IPO8: variants seen among roughly 807,000 people sequenced by gnomAD.
The protein encoded by IPO8 is importin 8.
In IPO8, 65 loss-of-function variants were observed where a neutral mutation model predicts 141.2. The observed-to-expected ratio is 0.46, with a 90% CI of 0.38 to 0.57. The LOEUF is 0.57. Ranked by LOEUF, IPO8 falls within the 20% of genes least tolerant of loss-of-function variation. The pLI is 0.00. For synonymous variants in IPO8, 411 were observed against 420.3 expected (o/e 0.98, Z 0.27); for missense variants, 980 against 1,246.8 (o/e 0.79, Z 3.22).
chr12:30,687,783 C>G (rs1280468890), intron 2 of IPO8, among the ~76,000 whole-genome samples: 1 of 152,132 alleles, frequency 6.6e-6, no homozygotes, highest in Non-Finnish European at 1.5e-5. Context: ...CTCTGCAATG[C>G]TGACGTCAAT....
intron 17 of IPO8, among the ~76,000 whole-genome samples, chr12:30,656,413 T>A (rs2052800986): frequency 6.6e-6 from 1 of 152,202 alleles, no homozygotes; most frequent in Non-Finnish European, 1.5e-5. Flanking sequence ...CACCTAAACC[T>A]CATCCCAGTT....
At chr12:30,680,345 C>T in intron 5 of IPO8, 137 bp downstream of exon 5, 1 of 606,544 alleles carries the variant, frequency 1.6e-6, no homozygotes, top group Non-Finnish European at 2.6e-6. Flanking sequence ...TGAACCTGTT[C>T]CTCATAAGCA....
In IPO8 at chr12:30,649,243, T is replaced by C; in HGVS notation, c.2173-11A>G. On this transcript the variant is annotated splice_polypyrimidine_tract_variant and intron_variant, in intron 19 of 24. Transcript: ENST00000256079. ...ATCTCCACATAGTACCTGCAGTAAT[T>C]ACAATTTAGCTCAGCAGTAAGTGGC... 1 of 1,599,924 alleles carries C rather than the reference T, an allele frequency of 6.3e-7. No homozygotes were observed. Among genetic ancestry groups the C allele is most frequent in the Non-Finnish European group, 8.6e-7 (1 of 1,168,120 alleles).
chr12:30,671,350 AAAGT>A (rs2136159541), intron 8 of IPO8, among the ~76,000 whole-genome samples: 1 of 152,328 alleles, frequency 6.6e-6, no homozygotes, highest in East Asian at 1.9e-4. Context: ...CTAGCTCTTC[AAAGT>A]AAGTTAAAAC....
chr12:30,641,493 CTTTTT>C (rs58656525), intron 20 of IPO8, among the ~76,000 whole-genome samples: 38,039 of 134,976 alleles, frequency 0.28, 5,515 homozygotes, highest in African/African-American at 0.4. Flanking sequence ...TAAGCTATTT[CTTTTT>C]TTTTTTTTTT....
At chr12:30,682,857 A>T (rs562236401) in intron 3 of IPO8, among the ~76,000 whole-genome samples, 1 of 152,160 alleles carries the variant, frequency 6.6e-6, no homozygotes, top group African/African-American at 2.4e-5. Flanking sequence ...TAATACTCTT[A>T]AACTTTGAGA....
chr12:30,687,687 A>G (rs1415408375), intron 2 of IPO8, among the ~76,000 whole-genome samples: 1 of 152,194 alleles, frequency 6.6e-6, no homozygotes, highest in Non-Finnish European at 1.5e-5. Flanking sequence ...CTTTCTACAA[A>G]TAAAATGCAT....
rs528895449 is a variant in IPO8, at chr12:30,635,430, A to G, written c.2696-1144T>C. On this transcript the variant is annotated intron_variant, in intron 22 of 24. Transcript: ENST00000256079. Reference sequence around the variant, plus strand: ...ACATCACTTTGTACTCCATAAATATATAATTTGCTAATTTATAATAAAAAG... The same window carrying G: ...ACATCACTTTGTACTCCATAAATATGTAATTTGCTAATTTATAATAAAAAG... 5.3e-5 allele frequency among the ~76,000 whole-genome samples: 8 copies of G among 152,278 alleles called. No homozygotes were observed. The South Asian group carries it at 1.7e-3, about 32-fold the overall frequency.
rs937384645 is a variant in IPO8, at chr12:30,693,899, C to T, written c.84+1665G>A. ...GAGTCTACGGCCATACCACCCTGAA[C>T]GTGCCTGCTTTTGTCTGAAATACCA... On this transcript the variant is annotated intron_variant, in intron 1 of 24. Coordinates refer to ENST00000256079, the MANE Select transcript of IPO8 (RefSeq NM_006390.4). 2.6e-5 allele frequency among the ~76,000 whole-genome samples: 4 copies of T among 152,168 alleles called. No homozygotes were observed. In the East Asian group the frequency reaches 5.8e-4, roughly 22 times the overall value.
At chr12:30,689,644 G>A (rs895194532) in intron 2 of IPO8, among the ~76,000 whole-genome samples, 6 of 152,040 alleles carry the variant, frequency 3.9e-5, no homozygotes, top group Non-Finnish European at 8.8e-5. Context: ...TGTAGATTAT[G>A]ACCCATTTCT....
intron 19 of IPO8, among the ~76,000 whole-genome samples, chr12:30,651,365 T>A (rs897020691): frequency 6.6e-6 from 1 of 152,118 alleles, no homozygotes; most frequent in African/African-American, 2.4e-5. Flanking sequence ...CTAAACCAGA[T>A]CTACTGATTA....
intron 17 of IPO8, among the ~76,000 whole-genome samples, chr12:30,655,196 G>A (rs1182433023): frequency 6.6e-6 from 1 of 152,046 alleles, no homozygotes; most frequent in Non-Finnish European, 1.5e-5. Flanking sequence ...GTATAGTGAC[G>A]TATTCATCAT....
At chr12:30,635,597 G>T (rs75034997) in intron 22 of IPO8, among the ~76,000 whole-genome samples, 1,549 of 152,068 alleles carry the variant, frequency 0.01, 35 homozygotes, top group East Asian at 0.083. Context: ...TGAAATACTG[G>T]AACAGGAAGG....
intron 17 of IPO8, among the ~76,000 whole-genome samples, chr12:30,654,126 G>A (rs2052764952): frequency 6.6e-6 from 1 of 151,866 alleles, no homozygotes; most frequent in South Asian, 2.1e-4. Flanking sequence ...TCAATAAATG[G>A]CACTGGGAAA....
At position 30,671,981 on chromosome 12, in the gene IPO8, T is replaced by A. The variant is rs546229071; in HGVS notation, c.910-885A>T. Among the ~76,000 whole-genome samples the A allele has an allele frequency of 2.0e-5, 3 of 152,178 alleles. No individual in the cohort carries two copies. The South Asian group carries it at 6.2e-4, about 32-fold the overall frequency. Reference sequence around the variant, plus strand: ...AACATGGGAGAATTTTCTTTTATAATCTCAGATTATAAAAGAAGGTATTTG... The same window carrying A: ...AACATGGGAGAATTTTCTTTTATAAACTCAGATTATAAAAGAAGGTATTTG... On this transcript the variant is annotated intron_variant, in intron 8 of 24. Transcript: ENST00000256079.
Position 30,652,300 on chromosome 12 carries a change from A to G in IPO8, c.2075-11T>C. 1 of 1,486,854 alleles carries G rather than the reference A, an allele frequency of 6.7e-7. No individual in the cohort carries two copies. Among genetic ancestry groups the G allele is most frequent in the Admixed American group, 1.7e-5 (1 of 58,620 alleles). The allele number at this position is 1,486,854 out of a possible 1,614,324, so 92.1% of individuals were successfully genotyped here. On this transcript the variant is annotated splice_polypyrimidine_tract_variant and intron_variant, in intron 18 of 24. Transcript: ENST00000256079. ...GGAGAGGCATCATGTCTGAAAAAAA[A>G]TCAAAATCCCAATGAGACTTGAGTG...
chr12:30,644,845 G>T (rs2052621788), intron 20 of IPO8, among the ~76,000 whole-genome samples: 1 of 151,092 alleles, frequency 6.6e-6, no homozygotes, highest in Non-Finnish European at 1.5e-5. Context: ...TAGAGACAGG[G>T]TTTCACCATG....
intron 20 of IPO8, among the ~76,000 whole-genome samples, chr12:30,645,430 T>C (rs1161293443): frequency 1.3e-5 from 2 of 148,460 alleles, no homozygotes. Context: ...ACTTAAGAAG[T>C]GTAAGCAAAC....
chr12:30,650,197 CAGATT>C (rs1433798908), intron 19 of IPO8, among the ~76,000 whole-genome samples: 1 of 151,722 alleles, frequency 6.6e-6, no homozygotes, highest in Admixed American at 6.6e-5. Context: ...TTTAAAAACT[CAGATT>C]AGATGATTTT....
Sources: gnomAD v4.1 joint callset for allele counts (sites outside exome capture counted in the v4.1 genomes callset) on GRCh38, gnomAD v4.1.1 for gene constraint, MANE v1.5 for transcripts, NCBI Gene and HGNC (gene_info 2026-07-23, HGNC 2026-07-21) for gene names.